Variants in AR observed in about 807,000 individuals in gnomAD.
AR encodes dihydrotestosterone receptor.
AR carries 8 observed loss-of-function variants against 53.9 expected under a neutral mutation model. The observed-to-expected ratio is 0.15, with a 90% CI of 0.09 to 0.27. The LOEUF (loss-of-function observed/expected upper bound fraction) is 0.27. AR is among the 10% of genes least tolerant of loss of function. The pLI, the probability that AR is intolerant of heterozygous loss-of-function variation, is 1.00. For synonymous variants in AR, 359 were observed against 316.4 expected (o/e 1.13, Z -1.43); for missense variants, 639 against 742.5 (o/e 0.86, Z 1.62).
chrX:67,674,179 T>TTCTCTC (rs1306417766), intron 2 of AR, among the ~76,000 whole-genome samples: 2 of 103,603 alleles, frequency 1.9e-5, no homozygotes, highest in Non-Finnish European at 3.9e-5. Flanking sequence ...CTCTCTCTCT[T>TTCTCTC]TCTCTCTCTC....
At chrX:67,603,171 C>T in intron 1 of AR, among the ~76,000 whole-genome samples, 1 of 111,629 alleles carries the variant, frequency 9.0e-6, no homozygotes, top group Non-Finnish European at 1.9e-5. Context: ...GGTCATATGC[C>T]TGTTATTCTA....
intron 2 of AR, among the ~76,000 whole-genome samples, chrX:67,665,577 C>A (rs1455438991): frequency 1.8e-5 from 2 of 111,841 alleles, no homozygotes; most frequent in Non-Finnish European, 3.8e-5. Context: ...GCCCTTCTTT[C>A]TTCTTCATTA....
chrX:67,662,027 C>T (rs917414134), intron 2 of AR, among the ~76,000 whole-genome samples: 4 of 111,623 alleles, frequency 3.6e-5, no homozygotes, highest in Admixed American at 9.5e-5. Flanking sequence ...TCTGTGGGAT[C>T]GGTGATTATA....
chrX:67,598,878 TCCTAAGTA>T (rs1923206916), intron 1 of AR, among the ~76,000 whole-genome samples: 1 of 110,700 alleles, frequency 9.0e-6, no homozygotes, highest in Admixed American at 9.7e-5. Context: ...ACCAAGAGAT[TCCTAAGTA>T]CCTGTGTGAT....
At chrX:67,683,205 CCTTT>C (rs1381876369) in intron 2 of AR, among the ~76,000 whole-genome samples, 2 of 111,603 alleles carry the variant, frequency 1.8e-5, no homozygotes, top group South Asian at 3.7e-4. Flanking sequence ...AACATCAGTG[CCTTT>C]CTAAGGCAAT....
chrX:67,634,814 A>G (rs995574366), intron 1 of AR, among the ~76,000 whole-genome samples: 1 of 111,818 alleles, frequency 8.9e-6, no homozygotes, highest in Non-Finnish European at 1.9e-5. Context: ...ATTTTATCTT[A>G]AAAAGTCATG....
intron 3 of AR, among the ~76,000 whole-genome samples, chrX:67,705,993 A>G (rs1460064922): frequency 8.9e-6 from 1 of 111,988 alleles, no homozygotes; most frequent in Non-Finnish European, 1.9e-5. Context: ...CCAGGGATGA[A>G]GCCCACTTGA....
At chrX:67,661,655 T>G (rs58709951) in intron 2 of AR, among the ~76,000 whole-genome samples, 6,397 of 111,277 alleles carry the variant, frequency 0.057, 474 homozygotes, top group African/African-American at 0.2. Flanking sequence ...AAAATTCTCT[T>G]TTTTGTTGTG....
rs1272312676 is a variant in AR, at chrX:67,544,024, G to GC, written c.-1118dup. On this transcript the variant is annotated 5_prime_UTR_variant, in exon 1 of 8. Coordinates refer to ENST00000374690, the MANE Select transcript of AR (RefSeq NM_000044.6). ...TTGCATTTGCTCTCCACCTCCCAGCGCCCCCTCCGAGATCCCGGGGAGCCA... is the reference window on the plus strand; with the variant it reads ...TTGCATTTGCTCTCCACCTCCCAGCGCCCCCCTCCGAGATCCCGGGGAGCCA... The GC allele has an allele frequency of 2.6e-4, 44 of 168,106 alleles. No homozygotes were observed. Among genetic ancestry groups the GC allele is most frequent in the African/African-American group, 1.3e-3 (44 of 33,686 alleles). 13.9% of individuals were successfully genotyped at this position (168,106 alleles called of 1,213,427 possible).
At chrX:67,657,098 T>C (rs1384763075) in intron 2 of AR, among the ~76,000 whole-genome samples, 2 of 110,656 alleles carry the variant, frequency 1.8e-5, no homozygotes, top group Admixed American at 1.9e-4. Context: ...AACAGAAGTG[T>C]TTGCTAATTT....
rs5919410 is a variant in AR, at chrX:67,689,434, C to T, written c.1885+3308C>T. On this transcript the variant is annotated intron_variant, in intron 3 of 7. Coordinates refer to ENST00000374690, the MANE Select transcript of AR (RefSeq NM_000044.6). ...GCCTCAAGATCTTTAATCTGGCTTT[C>T]TCTATAGTGTTTCATTCACTGTTTG... 229 of 393,693 alleles carry T rather than the reference C, an allele frequency of 5.8e-4. 1 individual carries two copies. The highest frequency in any genetic ancestry group is 7.8e-4 in the Non-Finnish European group (221 of 282,618). The allele number at this position is 393,693 out of a possible 1,213,427, so 32.4% of individuals were successfully genotyped here.
At chrX:67,589,135 C>T (rs912807995) in intron 1 of AR, among the ~76,000 whole-genome samples, 18 of 111,672 alleles carry the variant, frequency 1.6e-4, no homozygotes, top group Non-Finnish European at 2.6e-4. Flanking sequence ...CGGTGGCGGG[C>T]GCCTGTAGTC....
chrX:67,715,170 C>A (rs1429324263), intron 4 of AR, among the ~76,000 whole-genome samples: 2 of 111,318 alleles, frequency 1.8e-5, no homozygotes, highest in East Asian at 5.7e-4. Context: ...CTCCCCACTG[C>A]CTCCTACCCA....
chrX:67,650,184 T>C (rs1195653752), intron 2 of AR, among the ~76,000 whole-genome samples: 1 of 112,121 alleles, frequency 8.9e-6, no homozygotes, highest in Non-Finnish European at 1.9e-5. Flanking sequence ...ACCATTGACT[T>C]TCTTCACAGA....
At chrX:67,638,797 G>T (rs767550735) in intron 1 of AR, among the ~76,000 whole-genome samples, 3 of 111,968 alleles carry the variant, frequency 2.7e-5, no homozygotes, top group African/African-American at 9.7e-5. Context: ...TCTGATGATC[G>T]TTTCTTTTGC....
At chrX:67,697,719 TCACCA>T (rs2076026756) in intron 3 of AR, among the ~76,000 whole-genome samples, 1 of 111,646 alleles carries the variant, frequency 9.0e-6, no homozygotes, top group Non-Finnish European at 1.9e-5. Flanking sequence ...AGTCATATCA[TCACCA>T]TTATATAGAT....
At chrX:67,647,419 C>T (rs951006754) in intron 2 of AR, among the ~76,000 whole-genome samples, 5 of 111,905 alleles carry the variant, frequency 4.5e-5, no homozygotes, top group African/African-American at 1.3e-4. Context: ...CCATTCTTTC[C>T]CACCTCAACT....
At chrX:67,609,097 AT>A (rs976775042) in intron 1 of AR, among the ~76,000 whole-genome samples, 11 of 111,254 alleles carry the variant, frequency 9.9e-5, no homozygotes, top group African/African-American at 3.3e-4. Flanking sequence ...CTTGGAAAGC[AT>A]TGCCCTGGAG....
At chrX:67,651,369 G>A (rs1926336344) in intron 2 of AR, among the ~76,000 whole-genome samples, 1 of 111,008 alleles carries the variant, frequency 9.0e-6, no homozygotes, top group Non-Finnish European at 1.9e-5. Context: ...TGGATGAAAG[G>A]CCACCCTATC....
Sources: allele counts gnomAD v4.1 joint callset (sites outside exome capture counted in the v4.1 genomes callset), GRCh38; gene constraint gnomAD v4.1.1; transcripts MANE v1.5; gene names NCBI Gene and HGNC (gene_info 2026-07-23, HGNC 2026-07-21).